DEAF1: variants seen among roughly 807,000 people sequenced by gnomAD.
DEAF1 encodes the protein DEAF1 transcription factor.
In DEAF1, 53 loss-of-function variants were observed where a neutral mutation model predicts 58.9. The ratio of observed to expected loss-of-function variants is 0.90; its 90% CI spans 0.72 to 1.13. The LOEUF (loss-of-function observed/expected upper bound fraction) is 1.13. Ranked by LOEUF, DEAF1 falls within the 50% of genes most tolerant of loss-of-function variation. The pLI is 0.00. For synonymous variants in DEAF1, 385 were observed against 340.4 expected, an observed-to-expected ratio of 1.13 and a Z score of -1.44; for missense variants, 685 against 791.4, an observed-to-expected ratio of 0.87 and a Z score of 1.61.
At chr11:666,953 C>T (rs1167826680) in intron 10 of DEAF1, among the ~76,000 whole-genome samples, 1 of 149,090 alleles carries the variant, frequency 6.7e-6, no homozygotes, top group Non-Finnish European at 1.5e-5. Flanking sequence ...AATCCCAGTA[C>T]TTTAGGAGGC....
At position 694,992 on chromosome 11, in the gene DEAF1, A is replaced by ACCG. The variant is rs1564957147; in HGVS notation, c.53_55dup (p.Ala18dup). On this transcript the variant is annotated inframe_insertion, in exon 1 of 12. Transcript: ENST00000382409. ...CGCCGCCACAGCGGCCGCGGCCGCC[A>ACCG]CCGCCGCCGCCTCAGCCAGGCCCAG... is the stretch of plus-strand genomic sequence containing the variant. 6 of 1,061,062 alleles carry ACCG rather than the reference A, an allele frequency of 5.7e-6. No homozygotes were observed. The highest frequency in any genetic ancestry group is 4.2e-4 in the Middle Eastern group (1 of 2,378). 65.7% of individuals were successfully genotyped at this position (1,061,062 alleles called of 1,614,324 possible).
chr11:698,223 G>A (rs1477172475), upstream of DEAF1, among the ~76,000 whole-genome samples: 2 of 152,266 alleles, frequency 1.3e-5, no homozygotes, highest in Admixed American at 1.3e-4. Flanking sequence ...GTGAGTCAGA[G>A]GCGTCTTCAG....
At position 691,489 on chromosome 11, in the gene DEAF1, G is replaced by A. The variant is rs778895447; in HGVS notation, c.387+12C>T. On this transcript the variant is annotated intron_variant, in intron 2 of 11. Transcript: ENST00000382409. ...CCACCCGCCCTGGGCTGTGCCCCTC[G>A]GAGCAGCTTACCAGAACATGTCCTG... 14 of 1,610,612 alleles carry A rather than the reference G, an allele frequency of 8.7e-6. No individual in the cohort carries two copies. The highest frequency in any genetic ancestry group is 1.6e-4 in the Middle Eastern group (1 of 6,082).
chr11:683,973 A>AC (rs1396705271), intron 6 of DEAF1, among the ~76,000 whole-genome samples: 1 of 152,190 alleles, frequency 6.6e-6, no homozygotes. Context: ...TAAGAGTCTC[A>AC]CCGACTGGCT....
chr11:659,257 G>C (rs1859206101), intron 10 of DEAF1, among the ~76,000 whole-genome samples: 1 of 151,442 alleles, frequency 6.6e-6, no homozygotes, highest in African/African-American at 2.4e-5. Context: ...AATTAGCTGG[G>C]CATGGTGGCA....
intron 2 of DEAF1, among the ~76,000 whole-genome samples, chr11:691,104 C>T (rs1054212302): frequency 3.3e-5 from 5 of 152,246 alleles, no homozygotes; most frequent in Admixed American, 6.5e-5. Context: ...ATAAATGCTA[C>T]GAGAACAGGA....
At chr11:702,931 G>T in intron 1 of DEAF1, 1 of 1,597,628 alleles carries the variant, frequency 6.3e-7, no homozygotes, top group South Asian at 1.1e-5. Flanking sequence ...CCTCCCCTTT[G>T]CTCTGTTCTC....
intron 11 of DEAF1, among the ~76,000 whole-genome samples, chr11:647,777 C>A (rs1858568006): frequency 6.6e-6 from 1 of 152,208 alleles, no homozygotes; most frequent in South Asian, 2.1e-4. Flanking sequence ...AGTGTTGCCA[C>A]CACAGCACGT....
upstream of DEAF1, chr11:695,305 C>G (rs946501608): frequency 2.2e-6 from 1 of 449,032 alleles, no homozygotes; most frequent in African/African-American, 2.1e-5. Flanking sequence ...GAGACCGAGT[C>G]CTGAACCGAG....
intron 2 of DEAF1, among the ~76,000 whole-genome samples, chr11:690,472 T>C (rs10794331): frequency 0.69 from 103,661 of 150,964 alleles, 35,748 homozygotes; most frequent in East Asian, 0.93. Context: ...AGGCCGGGTG[T>C]GGTGGCTCAC....
intron 10 of DEAF1, among the ~76,000 whole-genome samples, chr11:658,313 C>T (rs1278914259): frequency 5.3e-5 from 8 of 152,230 alleles, no homozygotes; most frequent in Admixed American, 3.9e-4. Context: ...CCTGTACTCC[C>T]GGCTACTCGC....
intron 5 of DEAF1, 39 bp from the exon 6 acceptor site, chr11:685,002 G>A (rs1450005132): frequency 1.4e-6 from 2 of 1,480,676 alleles, no homozygotes; most frequent in Admixed American, 2.0e-5. Flanking sequence ...TAGCAAGTCA[G>A]CCCCTAAATG....
At chr11:700,604 C>CT (rs1165257799) in intron 1 of DEAF1, 1 of 1,612,940 alleles carries the variant, frequency 6.2e-7, no homozygotes, top group East Asian at 2.2e-5. Flanking sequence ...GTCCGCGCCT[C>CT]TGCTCTTCAG....
chr11:703,989 A>T, intron 1 of DEAF1: 1 of 1,222,664 alleles, frequency 8.2e-7, no homozygotes, highest in South Asian at 3.9e-5. Flanking sequence ...CTCCTTAAAA[A>T]GTATCTAAGC....
chr11:658,769 C>T (rs1859185411), intron 10 of DEAF1, among the ~76,000 whole-genome samples: 1 of 152,254 alleles, frequency 6.6e-6, no homozygotes, highest in Non-Finnish European at 1.5e-5. Flanking sequence ...GCAGAGACTG[C>T]GAAGGGGTTT....
At chr11:668,657 A>C (rs188371886) in intron 10 of DEAF1, among the ~76,000 whole-genome samples, 67 of 152,232 alleles carry the variant, frequency 4.4e-4, no homozygotes, top group Non-Finnish European at 5.9e-4. Flanking sequence ...CCCTCTCTCT[A>C]TGAAAAATAC....
At position 695,171 on chromosome 11, in the gene DEAF1, C is replaced by T. The variant is rs946173570; in HGVS notation, c.-124G>A. 2 of 900,164 alleles carry T rather than the reference C, an allele frequency of 2.2e-6. No homozygotes were observed. The highest frequency in any genetic ancestry group is 3.0e-6 in the Non-Finnish European group (2 of 666,470). The allele number at this position is 900,164 out of a possible 1,614,324, so 55.8% of individuals were successfully genotyped here. ...GCCGAGGCCGCCCGAAGCCGCCGCCCGAATAGGGACCGAAAAGGCAGCCAG... is the reference window on the plus strand; with the variant it reads ...GCCGAGGCCGCCCGAAGCCGCCGCCTGAATAGGGACCGAAAAGGCAGCCAG... On this transcript the variant is annotated 5_prime_UTR_variant, in exon 1 of 12. Transcript: ENST00000382409.
intron 10 of DEAF1, 33 bp downstream of exon 10, chr11:674,503 C>A: frequency 6.2e-7 from 1 of 1,613,326 alleles, no homozygotes; most frequent in Non-Finnish European, 8.5e-7. Flanking sequence ...TTACTCGGCA[C>A]AGGTCGTGTC....
chr11:676,330 CGACATCCCCCCAGCACCT>C (rs1306810588), intron 9 of DEAF1, among the ~76,000 whole-genome samples: 3 of 13,720 alleles, frequency 2.2e-4, no homozygotes, highest in Non-Finnish European at 3.6e-4. Flanking sequence ...CCCCAGCACC[CGACATCCCCCCAGCACCT>C]GACATCCCCG....
Sources: allele counts gnomAD v4.1 joint callset (sites outside exome capture counted in the v4.1 genomes callset), GRCh38; gene constraint gnomAD v4.1.1; transcripts MANE v1.5; gene names NCBI Gene and HGNC (gene_info 2026-07-23, HGNC 2026-07-21).